Variants in NINL observed in about 807,000 individuals in gnomAD.
NINL encodes the protein ninein like, also known as ninein-like protein.
NINL carries 153 observed loss-of-function variants against 160.3 expected under a neutral mutation model. The ratio of observed to expected loss-of-function variants is 0.95; its 90% CI spans 0.84 to 1.09. The LOEUF (loss-of-function observed/expected upper bound fraction) is 1.09. Ranked by LOEUF, NINL falls within the 50% of genes least tolerant of loss-of-function variation. The pLI is 0.00. For missense variants in NINL, 1,829 were observed against 1,764.0 expected (o/e 1.04, Z -0.66); for synonymous variants, 800 against 734.8 (o/e 1.09, Z -1.43).
chr20:25,476,955 A>G lies in NINL; in HGVS notation c.2336T>C (p.Leu779Pro), dbSNP rs1378513732. Reference protein sequence around the residue: ...LPRGSQRSEQLELERALKLQP... With the variant: ...LPRGSQRSEQPELERALKLQP... ...CAGCTTCAGTGCCCTCTCCAGCTCC[A>G]GCTGCTCCGACCTCTGGCTCCCGCG... The change falls in exon 17 of 24, where the codon CTG becomes CCG. Residue 779 changes from leucine (L) to proline (P), a missense_variant. Physicochemically the swap from Leu to Pro is moderately conservative, Grantham distance 98. Coordinates refer to ENST00000278886, the MANE Select transcript of NINL (RefSeq NM_025176.6). The G allele has an allele frequency of 6.2e-7, 1 of 1,609,692 alleles. No homozygotes were observed. Among genetic ancestry groups the G allele is most frequent in the Admixed American group, 1.7e-5 (1 of 59,996 alleles).
At chr20:25,575,859 C>T (rs138791356) in intron 1 of NINL, among the ~76,000 whole-genome samples, 82 of 152,300 alleles carry the variant, frequency 5.4e-4, no homozygotes, top group Middle Eastern at 3.4e-3. Context: ...CCCTTTACCA[C>T]AACCATTTTG....
At chr20:25,530,371 A>C (rs2064435619) in intron 1 of NINL, among the ~76,000 whole-genome samples, 1 of 152,222 alleles carries the variant, frequency 6.6e-6, no homozygotes, top group Admixed American at 6.5e-5. Context: ...ATTTTAAAAA[A>C]TACAACGTGC....
chr20:25,568,957 T>A (rs2065024432), intron 1 of NINL, among the ~76,000 whole-genome samples: 3 of 151,198 alleles, frequency 2.0e-5, no homozygotes, highest in South Asian at 4.2e-4. Flanking sequence ...CTGCTGGGTG[T>A]GGTGGCTCAC....
At chr20:25,490,983 C>T (rs1033264775) in intron 11 of NINL, among the ~76,000 whole-genome samples, 4 of 151,982 alleles carry the variant, frequency 2.6e-5, no homozygotes, top group Admixed American at 6.5e-5. Flanking sequence ...CAAAGCCAGC[C>T]TCGGGCAGGC....
Position 25,510,662 on chromosome 20 carries a change from C to T in NINL, c.517+12G>A, listed in dbSNP as rs982895326. 1 of 1,613,152 alleles carries T rather than the reference C, an allele frequency of 6.2e-7. No homozygotes were observed. The highest frequency in any genetic ancestry group is 8.5e-7 in the Non-Finnish European group (1 of 1,179,486). ...AAGGCAGAGAGCACTGAATGCGAGG[C>T]TGAGGCTTTACCTTGTGCTTCAAAT... On this transcript the variant is annotated intron_variant, in intron 5 of 23. Transcript: ENST00000278886.
intron 5 of NINL, chr20:25,509,790 C>G: frequency 2.3e-6 from 1 of 440,186 alleles, no homozygotes; most frequent in Non-Finnish European, 4.5e-6. Context: ...CCAAAATACT[C>G]TAGGATTCAT....
chr20:25,544,657 T>C (rs1005060886), intron 1 of NINL, among the ~76,000 whole-genome samples: 1 of 152,176 alleles, frequency 6.6e-6, no homozygotes, highest in Non-Finnish European at 1.5e-5. Flanking sequence ...GAGTCTGTAT[T>C]TTTCACATTA....
At chr20:25,548,647 C>T (rs1465171193) in intron 1 of NINL, among the ~76,000 whole-genome samples, 1 of 150,446 alleles carries the variant, frequency 6.6e-6, no homozygotes, top group African/African-American at 2.5e-5. Context: ...CACCCAGCCT[C>T]ACCTAGGGCT....
At chr20:25,517,673 TG>T in intron 3 of NINL, 79 bp downstream of exon 3, 2 of 1,104,478 alleles carry the variant, frequency 1.8e-6, no homozygotes, top group Non-Finnish European at 1.3e-6. Context: ...TCAGAACTGC[TG>T]GATTCTTTCA....
At chr20:25,489,738 A>C (rs2146669614) in intron 12 of NINL, 137 bp downstream of exon 12, 1 of 690,592 alleles carries the variant, frequency 1.4e-6, no homozygotes, top group Non-Finnish European at 2.5e-6. Flanking sequence ...CCTCATGCTG[A>C]CTTTCTCTTC....
intron 11 of NINL, among the ~76,000 whole-genome samples, chr20:25,490,784 G>A (rs1024277163): frequency 1.3e-5 from 2 of 152,090 alleles, no homozygotes; most frequent in Non-Finnish European, 2.9e-5. Context: ...AGGCTGCCCA[G>A]CCTCTCCTCC....
intron 1 of NINL, among the ~76,000 whole-genome samples, chr20:25,532,714 G>A (rs1035535894): frequency 1.3e-5 from 2 of 152,216 alleles, no homozygotes; most frequent in Non-Finnish European, 2.9e-5. Context: ...AGACACAGCA[G>A]GTCTACAAGC....
chr20:25,584,340 A>C, intron 1 of NINL, among the ~76,000 whole-genome samples: 1 of 151,958 alleles, frequency 6.6e-6, no homozygotes, highest in Non-Finnish European at 1.5e-5. Flanking sequence ...TGGGCGTGTA[A>C]TCCCAGCTAC....
chr20:25,504,494 G>A (rs1297842809), intron 6 of NINL, among the ~76,000 whole-genome samples: 4 of 152,224 alleles, frequency 2.6e-5, no homozygotes, highest in African/African-American at 9.6e-5. Flanking sequence ...TCCCACCCAG[G>A]AGGAGAAGGA....
chr20:25,491,312 AC>A lies in NINL; in HGVS notation c.1485+38del, dbSNP rs543357772. 8.8e-4 allele frequency: 1,389 copies of A among 1,571,344 alleles called. 1 individual carries two copies. The highest frequency in any genetic ancestry group is 4.4e-3 in the African/African-American group (329 of 74,156). ...ACGTGGGTGTGGGGAATGCTCAGGC[AC>A]CCCCCCAGCTTCCTGGATGCCCTGG... On this transcript the variant is annotated intron_variant, in intron 11 of 23. Coordinates refer to ENST00000278886, the MANE Select transcript of NINL (RefSeq NM_025176.6).
In NINL at chr20:25,478,928, C is replaced by CTGCTGCAGGTGGCTGTGA; in HGVS notation, c.2178_2195dup (p.His726_Gln731dup). 1 of 1,534,818 alleles carries CTGCTGCAGGTGGCTGTGA rather than the reference C, an allele frequency of 6.5e-7. No homozygotes were observed. Reference sequence around the variant, plus strand: ...TCAAAAGAAGCTGGCTGGACCTGATCTGCTGCAGGTGGCTGTGATGCCGCA... The same window carrying CTGCTGCAGGTGGCTGTGA: ...TCAAAAGAAGCTGGCTGGACCTGATCTGCTGCAGGTGGCTGTGATGCTGCAGGTGGCTGTGATGCCGCA... On this transcript the variant is annotated inframe_insertion, in exon 16 of 24. Transcript: ENST00000278886.
chr20:25,512,059 ACGAG>A (rs1030212471), intron 4 of NINL, among the ~76,000 whole-genome samples: 1 of 152,148 alleles, frequency 6.6e-6, no homozygotes, highest in Admixed American at 6.5e-5. Context: ...GTGAAGCCCC[ACGAG>A]ACTCTGGCAG....
intron 1 of NINL, among the ~76,000 whole-genome samples, chr20:25,535,143 C>A (rs567864767): frequency 6.6e-6 from 1 of 152,134 alleles, no homozygotes; most frequent in Non-Finnish European, 1.5e-5. Flanking sequence ...AGGACATTAA[C>A]GCTAAGTGAA....
At chr20:25,457,865 T>C (rs1206250495) in intron 22 of NINL, among the ~76,000 whole-genome samples, 1 of 152,208 alleles carries the variant, frequency 6.6e-6, no homozygotes, top group Non-Finnish European at 1.5e-5. Flanking sequence ...AGGTGGACAC[T>C]ACTGCTAGCA....
Sources: allele counts gnomAD v4.1 joint callset (sites outside exome capture counted in the v4.1 genomes callset), GRCh38; gene constraint gnomAD v4.1.1; transcripts MANE v1.5; gene names NCBI Gene and HGNC (gene_info 2026-07-23, HGNC 2026-07-21).